The following MINDY4 variants were observed in gnomAD, a reference collection of about 807,000 sequenced individuals.
The protein encoded by MINDY4 is probable ubiquitin carboxyl-terminal hydrolase MINDY-4.
Under a neutral mutation model 87.0 loss-of-function variants are expected in MINDY4, and 68 were observed. The ratio of observed to expected loss-of-function variants is 0.78; its 90% CI spans 0.64 to 0.96. The LOEUF is 0.96. MINDY4 is among the 40% of genes least tolerant of loss of function. The probability of loss-of-function intolerance (pLI) is 0.00; values close to 1 mark genes in which losing one functional copy is unlikely to be tolerated. For missense variants in MINDY4, 919 were observed against 928.2 expected (o/e 0.99, Z 0.13); for synonymous variants, 379 against 363.2 (o/e 1.04, Z -0.50).
At chr7:30,853,601 C>T (rs1255086744) in intron 12 of MINDY4, 142 bp downstream of exon 12, 4 of 757,496 alleles carry the variant, frequency 5.3e-6, no homozygotes, top group Non-Finnish European at 9.0e-6. Flanking sequence ...TAATGCTGGC[C>T]CCTGGTTGGG....
At chr7:30,852,165 G>A in intron 10 of MINDY4, 51 bp from the exon 11 acceptor site, 1 of 1,610,484 alleles carries the variant, frequency 6.2e-7, no homozygotes, top group Non-Finnish European at 8.5e-7. Context: ...CGGCTGGAGG[G>A]CACGCCTTCT....
chr7:30,870,424 A>T (rs1305590279), intron 13 of MINDY4, among the ~76,000 whole-genome samples: 1 of 152,190 alleles, frequency 6.6e-6, no homozygotes, highest in African/African-American at 2.4e-5. Context: ...ATGCTCTGCC[A>T]TGAGTCACTC....
chr7:30,801,216 G>A lies in MINDY4; in HGVS notation c.1073+9642G>A, dbSNP rs573148451. On this transcript the variant is annotated intron_variant, in intron 5 of 17. Transcript: ENST00000265299. ...CTGTTCCCTGCTTCTGAGCATCCCAGCTCTGAAAACATCTGCACCTCATGG... is the reference window on the plus strand; with the variant it reads ...CTGTTCCCTGCTTCTGAGCATCCCAACTCTGAAAACATCTGCACCTCATGG... Among the ~76,000 whole-genome samples the A allele has an allele frequency of 3.3e-5, 5 of 152,294 alleles. No homozygotes were observed. The East Asian group carries it at 9.7e-4, about 29-fold the overall frequency.
chr7:30,836,643 A>G lies in MINDY4; in HGVS notation c.1133-15A>G, dbSNP rs995632383. On this transcript the variant is annotated splice_polypyrimidine_tract_variant and intron_variant, in intron 6 of 17. Transcript: ENST00000265299. ...GTCATAACGAAGGGCTCACATGGCC[A>G]TGGTTTTCTTTCAGAGGATGTGGAG... The G allele has an allele frequency of 1.1e-5, 18 of 1,608,480 alleles. No homozygotes were observed. Among genetic ancestry groups the G allele is most frequent in the Non-Finnish European group, 1.1e-5 (13 of 1,175,048 alleles).
chr7:30,778,316 G>A, intron 1 of MINDY4, 116 bp from the exon 2 acceptor site: 1 of 1,326,232 alleles, frequency 7.5e-7, no homozygotes, highest in Non-Finnish European at 1.1e-6. Flanking sequence ...GATGTCAAGT[G>A]TAAAGGTTAT....
intron 13 of MINDY4, among the ~76,000 whole-genome samples, chr7:30,861,131 TG>T (rs535352366): frequency 1.3e-5 from 2 of 152,174 alleles, no homozygotes; most frequent in Admixed American, 1.3e-4. Flanking sequence ...TCAAGGCCCC[TG>T]GGGCAGTACA....
At chr7:30,818,508 A>G (rs1344448100) in intron 5 of MINDY4, among the ~76,000 whole-genome samples, 1 of 152,190 alleles carries the variant, frequency 6.6e-6, no homozygotes, top group Admixed American at 6.5e-5. Context: ...TATTAGCCCC[A>G]TTAGATGAAG....
At chr7:30,887,299 C>A (rs183296968) in intron 17 of MINDY4, among the ~76,000 whole-genome samples, 1 of 152,224 alleles carries the variant, frequency 6.6e-6, no homozygotes, top group African/African-American at 2.4e-5. Flanking sequence ...CCCACACACA[C>A]CTGCCCTGTG....
In MINDY4 at chr7:30,839,144, A is replaced by G. The variant is rs1562549049; in HGVS notation, c.1240-56A>G. ...TTCTGCAGGAATATGCACACTGAACATCGTATTGTTGCTTGCTTTTAAAAC... is the reference window on the plus strand; with the variant it reads ...TTCTGCAGGAATATGCACACTGAACGTCGTATTGTTGCTTGCTTTTAAAAC... On this transcript the variant is annotated intron_variant, in intron 7 of 17. Transcript: ENST00000265299. The G allele has an allele frequency of 5.1e-6, 6 of 1,182,956 alleles. No individual in the cohort carries two copies. The Admixed American group carries it at 1.1e-4, about 22-fold the overall frequency. 73.3% of individuals were successfully genotyped at this position (1,182,956 alleles called of 1,614,324 possible).
chr7:30,871,532 T>G (rs1034103736), intron 13 of MINDY4, among the ~76,000 whole-genome samples: 1 of 152,236 alleles, frequency 6.6e-6, no homozygotes, highest in Non-Finnish European at 1.5e-5. Flanking sequence ...TGAATTGTTC[T>G]GGTTCCTAGC....
intron 9 of MINDY4, among the ~76,000 whole-genome samples, chr7:30,849,508 T>C (rs1308431731): frequency 6.6e-6 from 1 of 152,202 alleles, no homozygotes; most frequent in Non-Finnish European, 1.5e-5. Context: ...AGGGACCTCT[T>C]AGTTACCATT....
Position 30,781,952 on chromosome 7 carries a change from AT to A in MINDY4, c.184-16del, listed in dbSNP as rs146709199. On this transcript the variant is annotated intron_variant, in intron 2 of 17. Transcript: ENST00000265299. ...CCCTGAAGCTGTATATAAATTAATG[AT>A]TTTTTTTTCTCTCCCAATGATAGGC... 1.1e-4 allele frequency: 173 copies of A among 1,507,820 alleles called. 1 individual carries two copies. Among genetic ancestry groups the A allele is most frequent in the Middle Eastern group, 5.2e-4 (3 of 5,818 alleles). 93.4% of individuals were successfully genotyped at this position (1,507,820 alleles called of 1,614,324 possible).
At chr7:30,779,386 T>A (rs556821281) in intron 2 of MINDY4, 1 of 152,372 alleles carries the variant, frequency 6.6e-6, no homozygotes, top group South Asian at 2.1e-4. Context: ...CTTAAATTTT[T>A]AATTTGTTAT....
At chr7:30,842,169 C>T (rs1789059518) in intron 9 of MINDY4, among the ~76,000 whole-genome samples, 1 of 152,226 alleles carries the variant, frequency 6.6e-6, no homozygotes, top group Admixed American at 6.5e-5. Context: ...ACCAAAAATG[C>T]TAATCAGAAG....
At chr7:30,790,161 G>T (rs1158289025) in intron 4 of MINDY4, among the ~76,000 whole-genome samples, 1 of 152,210 alleles carries the variant, frequency 6.6e-6, no homozygotes, top group Admixed American at 6.5e-5. Flanking sequence ...GTCTTGTTGG[G>T]GAGAAGTACT....
intron 15 of MINDY4, among the ~76,000 whole-genome samples, chr7:30,877,822 C>CTTTTTTTTTTTTTTTT (rs60164229): frequency 2.1e-5 from 1 of 47,516 alleles, no homozygotes; most frequent in African/African-American, 6.7e-5. Flanking sequence ...CAGGGACATG[C>CTTTTTTTTTTTTTTTT]TTTTTTTTTT....
At chr7:30,844,971 G>A (rs931792893) in intron 9 of MINDY4, among the ~76,000 whole-genome samples, 7 of 152,182 alleles carry the variant, frequency 4.6e-5, no homozygotes, top group African/African-American at 1.7e-4. Flanking sequence ...TGGTACAGAT[G>A]GGGAAACTGA....
chr7:30,781,616 C>T (rs748286803), intron 2 of MINDY4: 13 of 194,408 alleles, frequency 6.7e-5, no homozygotes, highest in African/African-American at 9.5e-5. Context: ...CTACAGACTC[C>T]GTTTTTTAAA....
At chr7:30,870,864 A>C (rs1047847992) in intron 13 of MINDY4, among the ~76,000 whole-genome samples, 4 of 152,190 alleles carry the variant, frequency 2.6e-5, no homozygotes, top group Non-Finnish European at 4.4e-5. Flanking sequence ...GGTGTGGTTG[A>C]AGGAAGGGGG....
Sources: gnomAD v4.1 joint callset for allele counts (sites outside exome capture counted in the v4.1 genomes callset) on GRCh38, gnomAD v4.1.1 for gene constraint, MANE v1.5 for transcripts, NCBI Gene and HGNC (gene_info 2026-07-23, HGNC 2026-07-21) for gene names.